The following GRIA1 variants were observed in gnomAD, a reference collection of about 807,000 sequenced individuals.
GRIA1 encodes glutamate receptor 1.
In GRIA1, 31 loss-of-function variants were observed where a neutral mutation model predicts 99.2. The ratio of observed to expected loss-of-function variants is 0.31; its 90% confidence interval spans 0.23 to 0.42. GRIA1 has a LOEUF of 0.42. Ranked by LOEUF, GRIA1 falls within the 10% of genes least tolerant of loss-of-function variation. The pLI is 1.00. For missense variants in GRIA1, 782 were observed against 1,157.5 expected (o/e 0.68, Z 4.71); for synonymous variants, 438 against 432.4 (o/e 1.01, Z -0.16).
At chr5:153,571,636 A>G (rs1021627267) in intron 2 of GRIA1, among the ~76,000 whole-genome samples, 1 of 152,200 alleles carries the variant, frequency 6.6e-6, no homozygotes, top group African/African-American at 2.4e-5. Flanking sequence ...CCTTTGGACT[A>G]AGAAATACAT....
chr5:153,736,659 G>C (rs1000354889), intron 11 of GRIA1, among the ~76,000 whole-genome samples: 3 of 152,136 alleles, frequency 2.0e-5, no homozygotes, highest in Non-Finnish European at 4.4e-5. Context: ...CTTTAACTTT[G>C]AGAGATGATC....
At chr5:153,621,407 G>C (rs1455259781) in intron 2 of GRIA1, among the ~76,000 whole-genome samples, 3 of 152,082 alleles carry the variant, frequency 2.0e-5, no homozygotes, top group African/African-American at 7.2e-5. Flanking sequence ...TTTAAGAACA[G>C]CCTGAGCAAC....
intron 15 of GRIA1, 129 bp downstream of exon 15, chr5:153,802,619 A>G (rs778879176): frequency 2.6e-5 from 24 of 911,426 alleles, no homozygotes; most frequent in Non-Finnish European, 4.0e-5. Context: ...GGAAGCAGGA[A>G]GCTGTTACGA....
chr5:153,711,955 A>G (rs1581518183), intron 11 of GRIA1, among the ~76,000 whole-genome samples: 1 of 152,322 alleles, frequency 6.6e-6, no homozygotes, highest in Non-Finnish European at 1.5e-5. Context: ...GGAGATAATT[A>G]CTCTCAGGAG....
intron 10 of GRIA1, among the ~76,000 whole-genome samples, chr5:153,702,574 C>T (rs543638275): frequency 2.6e-5 from 4 of 152,294 alleles, no homozygotes; most frequent in African/African-American, 4.8e-5. Flanking sequence ...CTAGACATCA[C>T]GTATTTTGTT....
At chr5:153,580,414 T>G (rs892670490) in intron 2 of GRIA1, among the ~76,000 whole-genome samples, 1 of 152,216 alleles carries the variant, frequency 6.6e-6, no homozygotes, top group East Asian at 1.9e-4. Context: ...TTGGCCAATT[T>G]GAGCCTAAAA....
intron 2 of GRIA1, among the ~76,000 whole-genome samples, chr5:153,645,777 A>T (rs989417704): frequency 2.0e-5 from 3 of 152,214 alleles, no homozygotes; most frequent in African/African-American, 7.2e-5. Context: ...AGAGTAAAGG[A>T]TCTAAGAGCA....
At chr5:153,761,463 T>G (rs1481966140) in intron 11 of GRIA1, among the ~76,000 whole-genome samples, 1 of 152,000 alleles carries the variant, frequency 6.6e-6, no homozygotes, top group African/African-American at 2.4e-5. Flanking sequence ...AAAACCACAG[T>G]GAGATATCAC....
At chr5:153,640,577 C>A (rs920088160) in intron 2 of GRIA1, among the ~76,000 whole-genome samples, 1 of 152,208 alleles carries the variant, frequency 6.6e-6, no homozygotes, top group Non-Finnish European at 1.5e-5. Flanking sequence ...GAACAAGGTG[C>A]TTAACACTGT....
At chr5:153,503,980 C>A (rs541255625) in intron 2 of GRIA1, among the ~76,000 whole-genome samples, 7 of 152,332 alleles carry the variant, frequency 4.6e-5, no homozygotes, top group Non-Finnish European at 8.8e-5. Flanking sequence ...CCAGCACTGG[C>A]AGCCTTCACC....
At chr5:153,549,985 T>C (rs920771885) in intron 2 of GRIA1, among the ~76,000 whole-genome samples, 3 of 152,194 alleles carry the variant, frequency 2.0e-5, no homozygotes, top group Non-Finnish European at 2.9e-5. Context: ...AATTGGATCA[T>C]CTCTTTAATC....
intron 13 of GRIA1, among the ~76,000 whole-genome samples, chr5:153,792,729 C>T (rs1296119345): frequency 6.6e-6 from 1 of 152,144 alleles, no homozygotes; most frequent in African/African-American, 2.4e-5. Flanking sequence ...TTCTCTCTCT[C>T]TCTCCTTTCT....
intron 4 of GRIA1, 150 bp downstream of exon 4, chr5:153,650,664 C>A: frequency 1.4e-6 from 1 of 711,592 alleles, no homozygotes; most frequent in Non-Finnish European, 2.3e-6. Context: ...TTCTATAATT[C>A]ACAAAATTTA....
intron 3 of GRIA1, among the ~76,000 whole-genome samples, chr5:153,647,473 C>T (rs1333043549): frequency 6.6e-6 from 1 of 152,154 alleles, no homozygotes; most frequent in East Asian, 1.9e-4. Context: ...GATCTGAAAC[C>T]TAGGTTCTGT....
intron 13 of GRIA1, among the ~76,000 whole-genome samples, chr5:153,777,990 C>T (rs1040409175): frequency 3.3e-5 from 5 of 152,096 alleles, no homozygotes; most frequent in African/African-American, 1.2e-4. Flanking sequence ...CCAGGTCGGG[C>T]CTGATCAGAG....
intron 2 of GRIA1, among the ~76,000 whole-genome samples, chr5:153,620,217 T>C (rs1472042481): frequency 1.3e-5 from 2 of 152,150 alleles, no homozygotes; most frequent in African/African-American, 4.8e-5. Context: ...CATGCCGAAA[T>C]GAGCACTGGA....
intron 5 of GRIA1, among the ~76,000 whole-genome samples, chr5:153,662,437 C>T (rs1316921259): frequency 9.9e-5 from 15 of 152,198 alleles, no homozygotes; most frequent in Non-Finnish European, 1.6e-4. Flanking sequence ...ATCTAAGCCT[C>T]ATAGATGGCC....
chr5:153,605,030 T>C (rs1238271802), intron 2 of GRIA1, among the ~76,000 whole-genome samples: 2 of 151,942 alleles, frequency 1.3e-5, no homozygotes, highest in African/African-American at 2.4e-5. Flanking sequence ...CTACTAAATA[T>C]ACAAAAATTA....
chr5:153,648,265 C>T (rs558655244), intron 3 of GRIA1, among the ~76,000 whole-genome samples: 16 of 152,310 alleles, frequency 1.1e-4, no homozygotes, highest in African/African-American at 3.6e-4. Flanking sequence ...GATGACTTCC[C>T]TTCTCAGACT....
Sources: gnomAD v4.1 joint callset for allele counts (sites outside exome capture counted in the v4.1 genomes callset) on GRCh38, gnomAD v4.1.1 for gene constraint, MANE v1.5 for transcripts, NCBI Gene and HGNC (gene_info 2026-07-23, HGNC 2026-07-21) for gene names.